Variants in FSTL5 observed in about 807,000 individuals in gnomAD.
The protein encoded by FSTL5 is follistatin like 5.
FSTL5 carries 62 observed loss-of-function variants against 89.1 expected under a neutral mutation model. The ratio of observed to expected loss-of-function variants is 0.70; its 90% CI spans 0.57 to 0.86. FSTL5 has a LOEUF of 0.86. Among genes scored for constraint, FSTL5 ranks in the 40% least tolerant of loss-of-function variants. FSTL5 has a pLI of 0.00. For synonymous variants in FSTL5, 383 were observed against 346.2 expected (o/e 1.11, Z -1.18); for missense variants, 1,057 against 1,001.6 (o/e 1.06, Z -0.75).
intron 2 of FSTL5, among the ~76,000 whole-genome samples, chr4:162,044,015 C>T (rs1253010779): frequency 2.6e-5 from 4 of 152,102 alleles, no homozygotes; most frequent in Non-Finnish European, 5.9e-5. Context: ...TCACCTTCTC[C>T]AAAACTCCTG....
chr4:161,974,092 C>A (rs939242922), intron 3 of FSTL5, among the ~76,000 whole-genome samples: 50 of 152,248 alleles, frequency 3.3e-4, no homozygotes, highest in African/African-American at 1.2e-3. Flanking sequence ...CAAACCACTG[C>A]TCAAGGAAAT....
intron 7 of FSTL5, among the ~76,000 whole-genome samples, chr4:161,589,072 T>A (rs1336880372): frequency 1.3e-5 from 2 of 151,026 alleles, no homozygotes; most frequent in African/African-American, 2.4e-5. Flanking sequence ...CACTGCAATC[T>A]CTGCCTCCCG....
At chr4:162,136,831 A>T (rs1390499607) in intron 1 of FSTL5, among the ~76,000 whole-genome samples, 1 of 152,054 alleles carries the variant, frequency 6.6e-6, no homozygotes, top group Admixed American at 6.6e-5. Context: ...ATCCTGAAAC[A>T]TTTCTCAGAG....
intron 4 of FSTL5, among the ~76,000 whole-genome samples, chr4:161,806,865 A>G (rs1729983564): frequency 6.6e-6 from 1 of 152,162 alleles, no homozygotes; most frequent in Non-Finnish European, 1.5e-5. Context: ...AAGTTCTCAT[A>G]CATACATACA....
intron 15 of FSTL5, among the ~76,000 whole-genome samples, chr4:161,421,628 G>C (rs1052002345): frequency 6.6e-6 from 1 of 152,116 alleles, no homozygotes; most frequent in African/African-American, 2.4e-5. Flanking sequence ...ATTATTTCTG[G>C]GTATGTCTGT....
rs1731634863 is a variant in FSTL5 at position 161,412,697 on chromosome 4, G to T, written c.1842-26248C>A. On this transcript the variant is annotated intron_variant, in intron 15 of 15. Coordinates refer to ENST00000306100, the MANE Select transcript of FSTL5 (RefSeq NM_020116.5). ...CAAAACACAGTAGACAAAATAGTTT[G>T]GTACTGGCACTAAAACAGACGCATA... Among the ~76,000 whole-genome samples, 3 of 152,052 alleles carry T rather than the reference G, an allele frequency of 2.0e-5. No individual in the cohort carries two copies. In the South Asian group the frequency reaches 6.2e-4, roughly 32 times the overall value.
At chr4:161,608,754 G>A (rs1285854435) in intron 7 of FSTL5, among the ~76,000 whole-genome samples, 1 of 151,906 alleles carries the variant, frequency 6.6e-6, no homozygotes, top group Non-Finnish European at 1.5e-5. Context: ...TGTAATAATA[G>A]AAATGTCATA....
At chr4:162,071,013 C>A (rs966988211) in intron 2 of FSTL5, among the ~76,000 whole-genome samples, 2 of 151,212 alleles carry the variant, frequency 1.3e-5, no homozygotes, top group East Asian at 1.9e-4. Context: ...AGAAAGGAAT[C>A]GAATCTGATA....
chr4:161,943,745 T>A (rs2110931036), intron 3 of FSTL5, among the ~76,000 whole-genome samples: 1 of 151,484 alleles, frequency 6.6e-6, no homozygotes, highest in South Asian at 2.1e-4. Flanking sequence ...TTAGTAGAGA[T>A]GGGGTTTCAC....
intron 13 of FSTL5, among the ~76,000 whole-genome samples, chr4:161,472,412 G>GT (rs1274500956): frequency 6.7e-6 from 1 of 150,028 alleles, no homozygotes; most frequent in Non-Finnish European, 1.5e-5. Context: ...TTTTCTTTCC[G>GT]TTTTTTTAAG....
At chr4:161,490,642 G>C (rs1282532213) in intron 12 of FSTL5, among the ~76,000 whole-genome samples, 3 of 151,944 alleles carry the variant, frequency 2.0e-5, no homozygotes, top group East Asian at 1.9e-4. Flanking sequence ...TGGAACAAAG[G>C]CTTAACAGGT....
intron 7 of FSTL5, among the ~76,000 whole-genome samples, chr4:161,640,820 A>T (rs915883499): frequency 1.5e-5 from 2 of 133,674 alleles, no homozygotes; most frequent in African/African-American, 8.3e-5. Flanking sequence ...ACAAACTCCA[A>T]GTAAGATGAA....
At chr4:161,404,960 G>T (rs1422469674) in intron 15 of FSTL5, among the ~76,000 whole-genome samples, 1 of 152,146 alleles carries the variant, frequency 6.6e-6, no homozygotes, top group Non-Finnish European at 1.5e-5. Flanking sequence ...GCTGGGGGCG[G>T]TGGCTCATGC....
At chr4:162,137,501 A>G (rs1250687351) in intron 1 of FSTL5, among the ~76,000 whole-genome samples, 1 of 152,122 alleles carries the variant, frequency 6.6e-6, no homozygotes. Context: ...TAACATTTGG[A>G]ACCACATCTG....
At chr4:161,851,295 C>G (rs971634743) in intron 4 of FSTL5, among the ~76,000 whole-genome samples, 1 of 152,132 alleles carries the variant, frequency 6.6e-6, no homozygotes, top group Non-Finnish European at 1.5e-5. Context: ...GCTACTGTCT[C>G]AGAAGATTTT....
At chr4:161,708,448 A>T (rs1738663730) in intron 6 of FSTL5, among the ~76,000 whole-genome samples, 1 of 152,078 alleles carries the variant, frequency 6.6e-6, no homozygotes, top group Admixed American at 6.6e-5. Flanking sequence ...AATCAAAAAT[A>T]AAAATCCCCA....
At chr4:161,592,794 G>C (rs1440017118) in intron 7 of FSTL5, among the ~76,000 whole-genome samples, 11 of 152,118 alleles carry the variant, frequency 7.2e-5, no homozygotes, top group Admixed American at 5.9e-4. Flanking sequence ...ACCCAGCAAT[G>C]GGATTGCTGG....
At chr4:161,781,300 T>A (rs778874393) in intron 4 of FSTL5, among the ~76,000 whole-genome samples, 1 of 151,592 alleles carries the variant, frequency 6.6e-6, no homozygotes, top group Non-Finnish European at 1.5e-5. Flanking sequence ...GAACCAAAAT[T>A]ATCTTGGTTA....
intron 2 of FSTL5, among the ~76,000 whole-genome samples, chr4:162,052,797 TCTA>T (rs1175026281): frequency 6.6e-6 from 1 of 151,874 alleles, no homozygotes; most frequent in Non-Finnish European, 1.5e-5. Context: ...ACACTTAAAA[TCTA>T]CTCTCTTAGT....
Sources: gnomAD v4.1 joint callset for allele counts (sites outside exome capture counted in the v4.1 genomes callset) on GRCh38, gnomAD v4.1.1 for gene constraint, MANE v1.5 for transcripts, NCBI Gene and HGNC (gene_info 2026-07-23, HGNC 2026-07-21) for gene names.